The following MKLN1 variants were observed in gnomAD, a reference collection of about 807,000 sequenced individuals.
MKLN1 encodes the protein muskelin 1, also known as muskelin.
Under a neutral mutation model 99.0 loss-of-function variants are expected in MKLN1, and 18 were observed. The observed-to-expected ratio is 0.18, with a 90% confidence interval of 0.13 to 0.27. The LOEUF (loss-of-function observed/expected upper bound fraction) is 0.27, where lower values mean the gene tolerates loss of function less well. Ranked by LOEUF, MKLN1 falls within the 10% of genes least tolerant of loss-of-function variation. The pLI, the probability that MKLN1 is intolerant of heterozygous loss-of-function variation, is 1.00. For missense variants in MKLN1, 621 were observed against 875.9 expected (o/e 0.71, Z 3.67); for synonymous variants, 288 against 293.2 (o/e 0.98, Z 0.18).
chr7:131,220,029 C>A (rs1274924284), intron 3 of MKLN1, among the ~76,000 whole-genome samples: 1 of 152,098 alleles, frequency 6.6e-6, no homozygotes, highest in South Asian at 2.1e-4. Context: ...TTCCGACCTT[C>A]CCCCCTCACC....
intron 2 of MKLN1, among the ~76,000 whole-genome samples, chr7:131,153,661 T>TG (rs1554529388): frequency 2.1e-5 from 1 of 47,150 alleles, no homozygotes; most frequent in South Asian, 1.3e-3. Context: ...TAGGTTTTTT[T>TG]TGGTTTTTTT....
intron 1 of MKLN1, among the ~76,000 whole-genome samples, chr7:131,110,566 T>C (rs1795178102): frequency 1.3e-5 from 2 of 152,158 alleles, no homozygotes; most frequent in South Asian, 4.1e-4. Flanking sequence ...TTGCTGCGCT[T>C]TCTGGGTTGT....
Position 131,487,843 on chromosome 7 carries a change from T to C in MKLN1, c.*115T>C. The C allele has an allele frequency of 7.9e-7, 1 of 1,266,310 alleles. No individual in the cohort carries two copies. The highest frequency in any genetic ancestry group is 1.1e-6 in the Non-Finnish European group (1 of 924,258). The allele number at this position is 1,266,310 out of a possible 1,614,324, so 78.4% of individuals were successfully genotyped here. ...GTGATTGAGGACTGCACCAGAGTTCTGAAGGGATCTTAACCATCACAAGTT... is the reference window on the plus strand; with the variant it reads ...GTGATTGAGGACTGCACCAGAGTTCCGAAGGGATCTTAACCATCACAAGTT... On this transcript the variant is annotated 3_prime_UTR_variant, in exon 18 of 18. Transcript: ENST00000352689. This position sits in a 1 kb window ranked among gnomAD's most constrained non-coding sequence, Gnocchi z 4.7.
chr7:131,242,939 C>A, intron 3 of MKLN1: 1 of 651,794 alleles, frequency 1.5e-6, no homozygotes, highest in South Asian at 1.4e-5. Context: ...AGGCCAAGGT[C>A]AAGTTTGAAG....
At chr7:131,321,466 T>C (rs1157781324) in intron 3 of MKLN1, among the ~76,000 whole-genome samples, 2 of 152,158 alleles carry the variant, frequency 1.3e-5, no homozygotes, top group Non-Finnish European at 2.9e-5. Flanking sequence ...AAATACCTAA[T>C]GCACGTGGGG....
intron 3 of MKLN1, among the ~76,000 whole-genome samples, chr7:131,300,885 GGTGGAT>G (rs982229749): frequency 6.6e-6 from 1 of 152,170 alleles, no homozygotes; most frequent in Non-Finnish European, 1.5e-5. Flanking sequence ...AATCTTACAA[GGTGGAT>G]GTTTATGCTG....
intron 1 of MKLN1, among the ~76,000 whole-genome samples, chr7:131,123,655 G>A (rs531647664): frequency 3.9e-5 from 6 of 152,262 alleles, no homozygotes; most frequent in Non-Finnish European, 7.4e-5. Flanking sequence ...AGGCATGGTG[G>A]CAGGCACCTG....
intron 1 of MKLN1, among the ~76,000 whole-genome samples, chr7:131,343,756 A>C (rs956365438): frequency 2.0e-5 from 3 of 152,110 alleles, no homozygotes; most frequent in African/African-American, 7.2e-5. Flanking sequence ...TTTTTATGGT[A>C]TTCTAACCTG....
At chr7:131,257,610 A>G (rs1280452116) in intron 3 of MKLN1, among the ~76,000 whole-genome samples, 1 of 152,174 alleles carries the variant, frequency 6.6e-6, no homozygotes, top group African/African-American at 2.4e-5. Context: ...TAGGAGAGCA[A>G]CCAAGTGCAT....
intron 3 of MKLN1, among the ~76,000 whole-genome samples, chr7:131,235,311 A>T (rs58390369): frequency 9.6e-5 from 14 of 145,644 alleles, no homozygotes; most frequent in African/African-American, 3.5e-4. Context: ...GTGTGTGTGT[A>T]TGTGAGAGAG....
At chr7:131,263,316 C>T (rs1003220491) in intron 3 of MKLN1, among the ~76,000 whole-genome samples, 3 of 146,924 alleles carry the variant, frequency 2.0e-5, no homozygotes, top group African/African-American at 7.4e-5. Context: ...CCAGCCTGGA[C>T]AATATAGTGA....
chr7:131,360,659 T>C (rs928559260), intron 1 of MKLN1, among the ~76,000 whole-genome samples: 14 of 152,322 alleles, frequency 9.2e-5, no homozygotes, highest in African/African-American at 3.4e-4. Flanking sequence ...TTGTTAACAT[T>C]GTTACTTTGA....
At chr7:131,139,314 T>C (rs1584785818) in intron 1 of MKLN1, among the ~76,000 whole-genome samples, 1 of 152,014 alleles carries the variant, frequency 6.6e-6, no homozygotes, top group Non-Finnish European at 1.5e-5. Context: ...CTCTAACCCA[T>C]TTTTGGCCCC....
chr7:131,455,828 C>T lies in MKLN1; in HGVS notation c.1526-7389C>T, dbSNP rs1055703594. Among the ~76,000 whole-genome samples the T allele has an allele frequency of 2.6e-5, 4 of 152,102 alleles. No individual in the cohort carries two copies. In the East Asian group the frequency reaches 7.7e-4, roughly 29 times the overall value. ...TGGGAGGCCGAGGCAGGCGAATCAC[C>T]TGAGGTCAGGAGTTCAAGATCAGCC... On this transcript the variant is annotated intron_variant, in intron 12 of 17. Transcript: ENST00000352689.
intron 3 of MKLN1, among the ~76,000 whole-genome samples, chr7:131,240,717 A>G (rs1797389858): frequency 6.6e-6 from 1 of 152,246 alleles, no homozygotes. Context: ...TAATATTAAT[A>G]TCAGAATTTT....
At chr7:131,480,150 A>G (rs549629037) in intron 17 of MKLN1, among the ~76,000 whole-genome samples, 1 of 151,646 alleles carries the variant, frequency 6.6e-6, no homozygotes, top group South Asian at 2.1e-4. Flanking sequence ...ATTTTTTACC[A>G]AGATAATCGT....
In MKLN1 at chr7:131,423,130, G is replaced by A. The variant is rs527543996; in HGVS notation, c.848-5903G>A. On this transcript the variant is annotated intron_variant, in intron 8 of 17. Transcript: ENST00000352689. Reference sequence around the variant, plus strand: ...TTCCTTGTTGTGTAACTCTCATTACGTTCTGAGAACCTACGATTTAAGCCT... The same window carrying A: ...TTCCTTGTTGTGTAACTCTCATTACATTCTGAGAACCTACGATTTAAGCCT... Among the ~76,000 whole-genome samples the A allele has an allele frequency of 1.1e-4, 17 of 152,162 alleles. No homozygotes were observed. The South Asian group carries it at 2.9e-3, about 26-fold the overall frequency.
intron 15 of MKLN1, 79 bp downstream of exon 15, chr7:131,466,494 T>A: frequency 9.8e-7 from 1 of 1,019,988 alleles, no homozygotes; most frequent in Non-Finnish European, 1.4e-6. Flanking sequence ...AATGAGACAG[T>A]GTAAATACTA....
intron 1 of MKLN1, among the ~76,000 whole-genome samples, chr7:131,371,765 C>CATATATATATATATAT (rs149627807): frequency 8.8e-5 from 13 of 147,656 alleles, no homozygotes; most frequent in African/African-American, 3.2e-4. Context: ...ACATATATAA[C>CATATATATATATATAT]ATATATATAT....
Sources: allele counts gnomAD v4.1 joint callset (sites outside exome capture counted in the v4.1 genomes callset), GRCh38; gene constraint gnomAD v4.1.1; non-coding constraint Gnocchi (gnomAD v3.1); transcripts MANE v1.5; gene names NCBI Gene and HGNC (gene_info 2026-07-23, HGNC 2026-07-21).